Variants in TEX14 observed in about 807,000 individuals in gnomAD.
TEX14 encodes the protein inactive serine/threonine-protein kinase TEX14.
A neutral mutation model predicts 178.6 loss-of-function variants in TEX14; 168 were observed. That is an observed-to-expected ratio of 0.94 (90% CI 0.83 to 1.07). TEX14 has a LOEUF of 1.07. Among genes scored for constraint, TEX14 ranks in the 50% least tolerant of loss-of-function variants. TEX14 has a pLI of 0.00. For missense variants in TEX14, 1,730 were observed against 1,753.6 expected (o/e 0.99, Z 0.24); for synonymous variants, 626 against 634.1 (o/e 0.99, Z 0.19).
intron 1 of TEX14, among the ~76,000 whole-genome samples, chr17:58,689,865 T>C (rs1272003423): frequency 6.7e-5 from 10 of 149,786 alleles, no homozygotes; most frequent in South Asian, 6.4e-4. Flanking sequence ...TTTTTTTTTT[T>C]CTGAGATGGA....
chr17:58,593,880 G>C (rs2045217108), intron 14 of TEX14, among the ~76,000 whole-genome samples: 1 of 152,126 alleles, frequency 6.6e-6, no homozygotes, highest in South Asian at 2.1e-4. Context: ...CTGTCACCAG[G>C]CTGGAGTGCA....
intron 21 of TEX14, among the ~76,000 whole-genome samples, chr17:58,576,240 C>T (rs1335565780): frequency 6.6e-6 from 1 of 152,220 alleles, no homozygotes; most frequent in Non-Finnish European, 1.5e-5. Context: ...AATCCCAGCA[C>T]TTTGGGAGGC....
intron 1 of TEX14, among the ~76,000 whole-genome samples, chr17:58,667,285 A>G (rs190247548): frequency 9.8e-5 from 15 of 152,320 alleles, no homozygotes; most frequent in African/African-American, 3.6e-4. Context: ...AGCGTTCACA[A>G]TGCAAGACTT....
chr17:58,659,205 TCATTCGGGGA>T, intron 1 of TEX14: 1 of 271,982 alleles, frequency 3.7e-6, no homozygotes, highest in Non-Finnish European at 5.6e-6. Context: ...CCGAGTTTTC[TCATTCGGGGA>T]AATCGCGGGA....
intron 14 of TEX14, among the ~76,000 whole-genome samples, chr17:58,598,241 C>A (rs1421763554): frequency 6.6e-6 from 1 of 150,590 alleles, no homozygotes; most frequent in Non-Finnish European, 1.5e-5. Flanking sequence ...TTGAACCCCA[C>A]AGGTGGAGGT....
At chr17:58,646,907 TC>T (rs1258150923) in intron 2 of TEX14, among the ~76,000 whole-genome samples, 7 of 150,158 alleles carry the variant, frequency 4.7e-5, no homozygotes, top group Non-Finnish European at 1.0e-4. Flanking sequence ...TCAAGCACAC[TC>T]TTTTTTTTTT....
chr17:58,589,771 A>G (rs1381970726), intron 15 of TEX14, among the ~76,000 whole-genome samples: 1 of 151,344 alleles, frequency 6.6e-6, no homozygotes, highest in Non-Finnish European at 1.5e-5. Context: ...ACAATCACAG[A>G]TTACTGCAGG....
chr17:58,687,198 T>C (rs892638177), intron 1 of TEX14, among the ~76,000 whole-genome samples: 1 of 151,954 alleles, frequency 6.6e-6, no homozygotes, highest in Non-Finnish European at 1.5e-5. Flanking sequence ...GGCACTGAGG[T>C]TATCCACTGC....
rs146115308 is a variant in TEX14, at chr17:58,584,064, A to G, written c.3171+436T>C. ...TCCTGCTGAGGTGCAGTTGTCAGGCACAAACACATCACTTCCACTGAGCTG... is the reference window on the plus strand; with the variant it reads ...TCCTGCTGAGGTGCAGTTGTCAGGCGCAAACACATCACTTCCACTGAGCTG... On this transcript the variant is annotated intron_variant, in intron 19 of 31. Transcript: ENST00000349033. Among the ~76,000 whole-genome samples the G allele has an allele frequency of 6.6e-4, 100 of 152,332 alleles. 1 individual carries two copies. The East Asian group carries it at 0.014, about 21-fold the overall frequency.
Position 58,599,398 on chromosome 17 carries a change from G to A in TEX14, c.1947C>T (p.Asp649=), listed in dbSNP as rs369207537. Residue 649 remains aspartate, a synonymous_variant, in exon 14 of 32, where the codon GAC becomes GAT. Transcript: ENST00000349033. The part of the protein sequence containing the change: ...PPGAASSLEA[D]GPNQVDELKS... Reference sequence around the variant, plus strand: ...TCAGTTCATCTACCTGGTTAGGTCCGTCTGCCTCCAAAGATGAAGCAGCTC... The same window carrying A: ...TCAGTTCATCTACCTGGTTAGGTCCATCTGCCTCCAAAGATGAAGCAGCTC... 45 of 1,614,108 alleles carry A rather than the reference G, an allele frequency of 2.8e-5. 1 individual carries two copies. The highest frequency in any genetic ancestry group is 2.1e-4 in the African/African-American group (16 of 75,014).
At chr17:58,605,203 T>TTTCA (rs1190311268) in intron 10 of TEX14, 74 bp from the exon 11 acceptor site, 15 of 1,490,410 alleles carry the variant, frequency 1.0e-5, no homozygotes, top group Non-Finnish European at 1.4e-5. Context: ...TCATTCATTC[T>TTTCA]TTCATTCATT....
intron 8 of TEX14, among the ~76,000 whole-genome samples, 186 bp downstream of exon 8, chr17:58,615,046 A>G (rs1487303839): frequency 6.6e-6 from 1 of 152,132 alleles, no homozygotes; most frequent in Admixed American, 6.5e-5. Context: ...TGCTCAGGCT[A>G]CTCGTTAACT....
intron 2 of TEX14, among the ~76,000 whole-genome samples, chr17:58,637,924 C>A (rs1258903985): frequency 6.8e-6 from 1 of 147,496 alleles, no homozygotes; most frequent in Non-Finnish European, 1.5e-5. Context: ...TGCAGTGGTG[C>A]GATCTCGGCT....
At chr17:58,631,553 A>G (rs897164634) in intron 2 of TEX14, 1 of 151,984 alleles carries the variant, frequency 6.6e-6, no homozygotes, top group Admixed American at 6.6e-5. Flanking sequence ...ATCTCTCAAA[A>G]CACACATCTG....
At chr17:58,607,012 C>CAAAAAA (rs35155837) in intron 10 of TEX14, among the ~76,000 whole-genome samples, 6 of 92,614 alleles carry the variant, frequency 6.5e-5, no homozygotes, top group African/African-American at 1.4e-4. Flanking sequence ...GCTACTGTCT[C>CAAAAAA]AAAAAAAAAA....
chr17:58,635,130 C>T (rs548379488), intron 2 of TEX14, among the ~76,000 whole-genome samples: 101 of 112,166 alleles, frequency 9.0e-4, no homozygotes, highest in African/African-American at 2.9e-3. Context: ...GAAACTCTGT[C>T]TCAAAAAAAA....
chr17:58,654,904 ACC>A (rs1275453764), intron 1 of TEX14, among the ~76,000 whole-genome samples: 3 of 151,746 alleles, frequency 2.0e-5, no homozygotes, highest in East Asian at 1.9e-4. Context: ...ACATTTCGGC[ACC>A]CCAAAATGTG....
intron 10 of TEX14, among the ~76,000 whole-genome samples, chr17:58,607,409 C>T (rs1376815894): frequency 6.6e-6 from 1 of 152,174 alleles, no homozygotes; most frequent in East Asian, 1.9e-4. Context: ...GCTTCATGGT[C>T]ACCACTAGGC....
chr17:58,659,912 G>A (rs2047070642), intron 1 of TEX14, among the ~76,000 whole-genome samples: 1 of 151,318 alleles, frequency 6.6e-6, no homozygotes, highest in African/African-American at 2.4e-5. Flanking sequence ...GGTCAGGCTG[G>A]TCTTGAACTC....
Sources: allele counts gnomAD v4.1 joint callset (sites outside exome capture counted in the v4.1 genomes callset), GRCh38; gene constraint gnomAD v4.1.1; transcripts MANE v1.5; gene names NCBI Gene and HGNC (gene_info 2026-07-23, HGNC 2026-07-21).